The following SASS6 variants were observed in gnomAD, a reference collection of about 807,000 sequenced individuals.
The protein encoded by SASS6 is spindle assembly abnormal protein 6 homolog.
SASS6 carries 59 observed loss-of-function variants against 94.9 expected under a neutral mutation model. The observed-to-expected ratio is 0.62, with a 90% CI of 0.50 to 0.77. The LOEUF is 0.77. SASS6 is among the 30% of genes least tolerant of loss of function. SASS6 has a pLI of 0.00. For synonymous variants in SASS6, 264 were observed against 270.0 expected (o/e 0.98, Z 0.22); for missense variants, 698 against 734.1 (o/e 0.95, Z 0.57).
chr1:100,084,246 T>TTGAA lies in SASS6; in HGVS notation c.*1078_*1081dup, dbSNP rs1651062125. On this transcript the variant is annotated 3_prime_UTR_variant, in exon 17 of 17. Coordinates refer to ENST00000287482, the MANE Select transcript of SASS6 (RefSeq NM_194292.3). The stretch of plus-strand genomic sequence containing the variant: ...TTTCTTCATCTGTGTAATAAAGTAG[T>TTGAA]TGAAAATAATTTTAAATTATCACAT... The TTGAA allele has an allele frequency of 6.6e-6, 1 of 152,064 alleles. No individual in the cohort carries two copies. The highest frequency in any genetic ancestry group is 2.4e-5 in the African/African-American group (1 of 41,450). 9.4% of individuals were successfully genotyped at this position (152,064 alleles called of 1,614,324 possible).
At chr1:100,104,692 C>T (rs1201095776) in intron 13 of SASS6, among the ~76,000 whole-genome samples, 1 of 151,978 alleles carries the variant, frequency 6.6e-6, no homozygotes, top group Non-Finnish European at 1.5e-5. Flanking sequence ...GAACTCCTGA[C>T]CTCAGGTGAT....
intron 14 of SASS6, among the ~76,000 whole-genome samples, chr1:100,101,025 TCATGAAC>T (rs1652442927): frequency 6.6e-6 from 1 of 152,168 alleles, no homozygotes; most frequent in African/African-American, 2.4e-5. Context: ...AGAGCACTTA[TCATGAAC>T]CAGGTACTAT....
chr1:100,132,745 C>T lies in SASS6; in HGVS notation c.65+5G>A, dbSNP rs749884312. On this transcript the variant is annotated splice_donor_5th_base_variant and intron_variant, in intron 1 of 16. Coordinates refer to ENST00000287482, the MANE Select transcript of SASS6 (RefSeq NM_194292.3). ...CCCGCGGGCACTGGATGACGCGGACCTTACCTCTCCTCACAGTCTTTGCAT... is the reference window on the plus strand; with the variant it reads ...CCCGCGGGCACTGGATGACGCGGACTTTACCTCTCCTCACAGTCTTTGCAT... The T allele has an allele frequency of 6.2e-7, 1 of 1,612,970 alleles. No homozygotes were observed. The highest frequency in any genetic ancestry group is 1.3e-5 in the African/African-American group (1 of 74,934).
intron 15 of SASS6, among the ~76,000 whole-genome samples, chr1:100,087,072 C>T (rs888894873): frequency 2.0e-5 from 3 of 152,210 alleles, no homozygotes. Flanking sequence ...CAACTTCTTG[C>T]CTCCTGGGTT....
intron 14 of SASS6, among the ~76,000 whole-genome samples, chr1:100,093,473 G>C (rs1477177872): frequency 2.6e-5 from 4 of 152,196 alleles, no homozygotes; most frequent in African/African-American, 9.6e-5. Flanking sequence ...TACTTGAAAA[G>C]AATAGGGCTG....
chr1:100,108,351 T>C (rs1312170388), intron 8 of SASS6, among the ~76,000 whole-genome samples: 1 of 152,102 alleles, frequency 6.6e-6, no homozygotes, highest in East Asian at 1.9e-4. Flanking sequence ...AATGTAGACT[T>C]AACATTTTTC....
At chr1:100,097,317 A>G (rs946114039) in intron 14 of SASS6, among the ~76,000 whole-genome samples, 1 of 152,192 alleles carries the variant, frequency 6.6e-6, no homozygotes, top group Non-Finnish European at 1.5e-5. Flanking sequence ...CTGGGTACTC[A>G]CCCACAATAA....
intron 15 of SASS6, among the ~76,000 whole-genome samples, chr1:100,087,251 G>A (rs997015384): frequency 6.6e-6 from 1 of 152,174 alleles, no homozygotes; most frequent in African/African-American, 2.4e-5. Context: ...CCAAAGTGTT[G>A]GGATTACAGG....
chr1:100,105,883 CTTTA>C lies in SASS6; in HGVS notation c.1425_1428del (p.Asn475LysfsTer3). 6.2e-7 allele frequency: 1 copy of C among 1,604,170 alleles called. No individual in the cohort carries two copies. Among genetic ancestry groups the C allele is most frequent in the Non-Finnish European group, 8.5e-7 (1 of 1,173,652 alleles). On this transcript the variant is annotated frameshift_variant, in exon 13 of 17. Coordinates refer to ENST00000287482, the MANE Select transcript of SASS6 (RefSeq NM_194292.3). LOFTEE classifies it high-confidence loss of function. ...CTCACTAGCTGATTTTCATTTAGTT[CTTTA>C]TTTAACCACGTGATTACTTAAATAA...
chr1:100,092,854 C>T lies in SASS6; in HGVS notation c.1675-4618G>A, dbSNP rs6694240. Among the ~76,000 whole-genome samples the T allele has an allele frequency of 2.1e-3, 312 of 151,520 alleles. 1 individual carries two copies. The highest frequency in any genetic ancestry group is 6.9e-3 in the African/African-American group (284 of 41,328). On this transcript the variant is annotated intron_variant, in intron 14 of 16. Coordinates refer to ENST00000287482, the MANE Select transcript of SASS6 (RefSeq NM_194292.3). Reference sequence around the variant, plus strand: ...CCTCCCAAAGTGCTTGGATTACAGGCGTAAGGGACCACACCCAGCCCACTC... The same window carrying T: ...CCTCCCAAAGTGCTTGGATTACAGGTGTAAGGGACCACACCCAGCCCACTC...
intron 7 of SASS6, among the ~76,000 whole-genome samples, chr1:100,118,077 T>C (rs1410839650): frequency 6.6e-6 from 1 of 152,178 alleles, no homozygotes; most frequent in Non-Finnish European, 1.5e-5. Flanking sequence ...CCCAGCACTT[T>C]GGGAGGCCAA....
At chr1:100,124,174 T>A (rs1340678805) in intron 2 of SASS6, among the ~76,000 whole-genome samples, 2 of 152,198 alleles carry the variant, frequency 1.3e-5, no homozygotes, top group Admixed American at 1.3e-4. Flanking sequence ...GAATAACATG[T>A]AAGAAGTATA....
At chr1:100,101,476 T>C (rs564808778) in intron 14 of SASS6, among the ~76,000 whole-genome samples, 5 of 152,152 alleles carry the variant, frequency 3.3e-5, no homozygotes, top group Middle Eastern at 3.4e-3. Context: ...ATAAGAATGA[T>C]AGTATTATTT....
intron 7 of SASS6, among the ~76,000 whole-genome samples, chr1:100,113,939 T>C (rs1653590228): frequency 6.6e-6 from 1 of 151,944 alleles, no homozygotes; most frequent in Non-Finnish European, 1.5e-5. Flanking sequence ...GGCAGGAGGA[T>C]TGCCTAAACC....
intron 5 of SASS6, among the ~76,000 whole-genome samples, chr1:100,121,036 C>T (rs944801524): frequency 3.8e-5 from 5 of 130,172 alleles, no homozygotes; most frequent in East Asian, 2.2e-4. Context: ...GGCGACAGAG[C>T]GAGACTCCGT....
At chr1:100,118,266 G>A (rs1246276242) in intron 7 of SASS6, among the ~76,000 whole-genome samples, 9 of 151,828 alleles carry the variant, frequency 5.9e-5, no homozygotes. Context: ...AGTGAGCCGA[G>A]ATTGTGCCAC....
chr1:100,105,936 A>T, intron 12 of SASS6, 33 bp from the exon 13 acceptor site: 1 of 1,395,626 alleles, frequency 7.2e-7, no homozygotes, highest in South Asian at 1.4e-5. Flanking sequence ...AAGGTAAAGA[A>T]TATTGACTGT....
rs769812442 is a variant in SASS6 at position 100,132,699 on chromosome 1, T to C, written c.65+51A>G. On this transcript the variant is annotated intron_variant, in intron 1 of 16. Coordinates refer to ENST00000287482, the MANE Select transcript of SASS6 (RefSeq NM_194292.3). Reference sequence around the variant, plus strand: ...GGGCCAGAACCGCCATCTTTCCCCATTGGCCTGACCCCAACCGCCACCCGC... The same window carrying C: ...GGGCCAGAACCGCCATCTTTCCCCACTGGCCTGACCCCAACCGCCACCCGC... The C allele has an allele frequency of 4.1e-6, 6 of 1,451,594 alleles. No individual in the cohort carries two copies. In the South Asian group the frequency reaches 5.7e-5, roughly 14 times the overall value. The allele number at this position is 1,451,594 out of a possible 1,614,324, so 89.9% of individuals were successfully genotyped here.
At position 100,103,058 on chromosome 1, in the gene SASS6, G is replaced by C. The variant is rs151151974; in HGVS notation, c.1571C>G (p.Thr524Ser). 321 of 1,603,210 alleles carry C rather than the reference G, an allele frequency of 2.0e-4. No homozygotes were observed. The highest frequency in any genetic ancestry group is 1.9e-4 in the Non-Finnish European group (224 of 1,170,582). ...NVVDGRLTYPTCGIGYPVSSA... is the reference protein window; with the variant it reads ...NVVDGRLTYPSCGIGYPVSSA... ...GGAGACAGGATAACCAATCCCACAG[G>C]TTGGGTAAGTCAGTCTACCATCAAC... Residue 524 changes from threonine (T) to serine (S), a missense_variant, in exon 14 of 17, where the codon ACC becomes AGC. By Grantham distance (58) the Thr-to-Ser change is moderately conservative. Transcript: ENST00000287482.
Sources: gnomAD v4.1 joint callset for allele counts (sites outside exome capture counted in the v4.1 genomes callset) on GRCh38, gnomAD v4.1.1 for gene constraint, MANE v1.5 for transcripts, NCBI Gene and HGNC (gene_info 2026-07-23, HGNC 2026-07-21) for gene names.